Variants in SDCCAG8 observed in about 807,000 individuals in gnomAD.
SDCCAG8 encodes SHH signaling and ciliogenesis regulator SDCCAG8, also known as serologically defined colon cancer antigen 8.
SDCCAG8 carries 74 observed loss-of-function variants against 101.8 expected under a neutral mutation model. The observed-to-expected ratio is 0.73, with a 90% CI of 0.60 to 0.88. The LOEUF (loss-of-function observed/expected upper bound fraction) is 0.88, where lower values mean the gene tolerates loss of function less well. SDCCAG8 is among the 40% of genes least tolerant of loss of function. The pLI is 0.00. For missense variants in SDCCAG8, 787 were observed against 822.6 expected (o/e 0.96, Z 0.53); for synonymous variants, 281 against 292.9 (o/e 0.96, Z 0.41).
chr1:243,318,410 C>T (rs1442283710), intron 9 of SDCCAG8: 1 of 217,276 alleles, frequency 4.6e-6, no homozygotes, highest in Non-Finnish European at 7.8e-6. Context: ...GGGTACTGGG[C>T]TTAATACCTG....
chr1:243,350,432 G>A (rs1422420291), intron 12 of SDCCAG8, among the ~76,000 whole-genome samples: 1 of 152,022 alleles, frequency 6.6e-6, no homozygotes, highest in Non-Finnish European at 1.5e-5. Flanking sequence ...TGCCCAGGCT[G>A]GTCTTGAACT....
chr1:243,477,093 A>G (rs140123810), intron 16 of SDCCAG8, among the ~76,000 whole-genome samples: 3 of 152,250 alleles, frequency 2.0e-5, no homozygotes, highest in East Asian at 3.9e-4. Context: ...CAGTAGGTGA[A>G]TTTGAATAAA....
At chr1:243,403,503 T>TAGTCCTATGAGGAGA (rs1464654649) in intron 13 of SDCCAG8, among the ~76,000 whole-genome samples, 22 of 152,322 alleles carry the variant, frequency 1.4e-4, no homozygotes, top group Non-Finnish European at 3.2e-4. Context: ...AATATCCTCA[T>TAGTCCTATGAGGAGA]AGTCCTATGA....
chr1:243,285,793 A>G (rs529404364), intron 4 of SDCCAG8, among the ~76,000 whole-genome samples: 2 of 152,300 alleles, frequency 1.3e-5, no homozygotes, highest in East Asian at 1.9e-4. Context: ...GAAATGTTTT[A>G]CTACAATTCT....
intron 10 of SDCCAG8, among the ~76,000 whole-genome samples, chr1:243,339,970 T>C (rs1387510691): frequency 6.6e-6 from 1 of 152,202 alleles, no homozygotes; most frequent in Non-Finnish European, 1.5e-5. Context: ...ATTAAGAGCC[T>C]AGAAGAGTGA....
chr1:243,362,242 T>G (rs569530907), intron 12 of SDCCAG8, among the ~76,000 whole-genome samples: 36 of 122,262 alleles, frequency 2.9e-4, no homozygotes, highest in African/African-American at 4.4e-4. Context: ...AGATGGCCAG[T>G]TGACTGCCTC....
chr1:243,321,047 GCTGTTCTGCACA>G (rs1272312605), intron 9 of SDCCAG8, among the ~76,000 whole-genome samples: 1 of 152,106 alleles, frequency 6.6e-6, no homozygotes, highest in African/African-American at 2.4e-5. Context: ...TGCTTTGGAT[GCTGTTCTGCACA>G]TTGTAGGATG....
chr1:243,495,716 A>T (rs1293916486), intron 17 of SDCCAG8, among the ~76,000 whole-genome samples: 1 of 152,174 alleles, frequency 6.6e-6, no homozygotes. Context: ...GTCCTGCTCG[A>T]AGGCCGCGTT....
intron 12 of SDCCAG8, among the ~76,000 whole-genome samples, chr1:243,348,724 A>G (rs557522712): frequency 6.6e-6 from 1 of 151,684 alleles, no homozygotes; most frequent in South Asian, 2.1e-4. Context: ...CTGTAATCCC[A>G]GCGCTTTGGG....
At chr1:243,460,974 T>C (rs1658983008) in intron 16 of SDCCAG8, among the ~76,000 whole-genome samples, 1 of 152,228 alleles carries the variant, frequency 6.6e-6, no homozygotes, top group Non-Finnish European at 1.5e-5. Flanking sequence ...TTGTCAGCTG[T>C]TGAGAAAAGG....
At chr1:243,462,696 A>G (rs1659367259) in intron 16 of SDCCAG8, among the ~76,000 whole-genome samples, 1 of 152,212 alleles carries the variant, frequency 6.6e-6, no homozygotes. Flanking sequence ...CAGCCAGAAG[A>G]CACCAGCACC....
intron 12 of SDCCAG8, among the ~76,000 whole-genome samples, chr1:243,346,786 A>T (rs956575259): frequency 4.6e-5 from 7 of 152,210 alleles, no homozygotes; most frequent in African/African-American, 1.7e-4. Flanking sequence ...CTTGCACCAG[A>T]AAAAGAGGCA....
intron 13 of SDCCAG8, among the ~76,000 whole-genome samples, chr1:243,389,159 C>A (rs1171556476): frequency 3.6e-4 from 52 of 142,668 alleles, no homozygotes; most frequent in African/African-American, 9.3e-4. Context: ...CTCCCCCCCC[C>A]AAAAAAAAAA....
chr1:243,428,908 G>A (rs1041701559), intron 16 of SDCCAG8, among the ~76,000 whole-genome samples: 3 of 152,228 alleles, frequency 2.0e-5, no homozygotes, highest in South Asian at 2.1e-4. Context: ...GGACTAAATC[G>A]TCTGCATGTG....
At chr1:243,404,115 T>A (rs2079589346) in intron 13 of SDCCAG8, among the ~76,000 whole-genome samples, 1 of 152,200 alleles carries the variant, frequency 6.6e-6, no homozygotes, top group Non-Finnish European at 1.5e-5. Flanking sequence ...GGAGCTTACA[T>A]GCGAAGGGAT....
intron 16 of SDCCAG8, among the ~76,000 whole-genome samples, chr1:243,434,483 A>C (rs947578225): frequency 6.6e-6 from 1 of 152,190 alleles, no homozygotes; most frequent in Non-Finnish European, 1.5e-5. Flanking sequence ...AAAGAATCTT[A>C]TTACATCTTG....
At chr1:243,287,166 T>C (rs2069704239) in intron 5 of SDCCAG8, among the ~76,000 whole-genome samples, 1 of 152,248 alleles carries the variant, frequency 6.6e-6, no homozygotes, top group African/African-American at 2.4e-5. Flanking sequence ...TTAAATCTTA[T>C]GACTTATCAG....
intron 11 of SDCCAG8, among the ~76,000 whole-genome samples, chr1:243,341,662 A>T (rs1218896872): frequency 6.6e-6 from 1 of 152,184 alleles, no homozygotes; most frequent in African/African-American, 2.4e-5. Flanking sequence ...TAAAATAAAG[A>T]TTCTAATACT....
intron 4 of SDCCAG8, among the ~76,000 whole-genome samples, chr1:243,283,418 CAT>C: frequency 8.0e-6 from 1 of 125,658 alleles, no homozygotes; most frequent in South Asian, 2.6e-4. Context: ...TATATATATA[CAT>C]GTATATATAT....
Sources: gnomAD v4.1 joint callset for allele counts (sites outside exome capture counted in the v4.1 genomes callset) on GRCh38, gnomAD v4.1.1 for gene constraint, MANE v1.5 for transcripts, NCBI Gene and HGNC (gene_info 2026-07-23, HGNC 2026-07-21) for gene names.